Variants in LIPA observed in about 807,000 individuals in gnomAD.
LIPA encodes the protein lysosomal acid lipase/cholesteryl ester hydrolase.
In LIPA, 26 loss-of-function variants were observed where a neutral mutation model predicts 40.6. The observed-to-expected ratio is 0.64, with a 90% CI of 0.47 to 0.89. The LOEUF is 0.89. Among genes scored for constraint, LIPA ranks in the 40% least tolerant of loss-of-function variants. LIPA has a pLI of 0.00. For synonymous variants in LIPA, 188 were observed against 168.4 expected (o/e 1.12, Z -0.90); for missense variants, 455 against 479.6 (o/e 0.95, Z 0.48).
chr10:89,301,972 G>A (rs912265510), intron 1 of LIPA: 3 of 615,644 alleles, frequency 4.9e-6, no homozygotes, highest in African/African-American at 1.9e-5. Flanking sequence ...CTTTTGTAAC[G>A]TCAGCTGAAG....
chr10:89,267,456 A>T (rs146575814), intron 1 of LIPA, among the ~76,000 whole-genome samples: 344 of 152,164 alleles, frequency 2.3e-3, no homozygotes, highest in African/African-American at 8.0e-3. Flanking sequence ...GGAAACCATC[A>T]TTCTCAGTAA....
chr10:89,238,381 G>A (rs2133451949), intron 3 of LIPA, among the ~76,000 whole-genome samples: 1 of 152,278 alleles, frequency 6.6e-6, no homozygotes, highest in South Asian at 2.1e-4. Context: ...GGTGGCAATT[G>A]CAATTATTCA....
At chr10:89,397,477 T>C (rs1844361084) in intron 2 of LIPA, among the ~76,000 whole-genome samples, 1 of 152,200 alleles carries the variant, frequency 6.6e-6, no homozygotes, top group African/African-American at 2.4e-5. Flanking sequence ...CCAATCTGAG[T>C]GGAATAAAGT....
chr10:89,288,430 C>A (rs934432122), intron 1 of LIPA, among the ~76,000 whole-genome samples: 1 of 152,172 alleles, frequency 6.6e-6, no homozygotes, highest in Non-Finnish European at 1.5e-5. Flanking sequence ...TCATCCCAAC[C>A]CTTTTCATTA....
At chr10:89,380,329 C>A (rs957816790) in intron 2 of LIPA, among the ~76,000 whole-genome samples, 1 of 152,076 alleles carries the variant, frequency 6.6e-6, no homozygotes, top group African/African-American at 2.4e-5. Flanking sequence ...TTAAGTGGAG[C>A]TTAAGTGGAC....
At chr10:89,371,160 T>C (rs1844089439) in intron 2 of LIPA, among the ~76,000 whole-genome samples, 3 of 152,200 alleles carry the variant, frequency 2.0e-5, no homozygotes, top group Admixed American at 1.3e-4. Flanking sequence ...CAAAAGGAGA[T>C]ATCACAGAAC....
At chr10:89,367,871 T>G (rs984713373) in intron 2 of LIPA, among the ~76,000 whole-genome samples, 8 of 152,226 alleles carry the variant, frequency 5.3e-5, no homozygotes, top group African/African-American at 1.7e-4. Context: ...AAAGCTGGAC[T>G]GCAGTAGCAT....
At chr10:89,319,611 A>G (rs1223653152) in intron 1 of LIPA, among the ~76,000 whole-genome samples, 2 of 152,228 alleles carry the variant, frequency 1.3e-5, no homozygotes, top group African/African-American at 4.8e-5. Flanking sequence ...AGATGGATTC[A>G]CAACTGAATT....
Position 89,319,896 on chromosome 10 carries a change from T to A in LIPA, c.-2+22715A>T, listed in dbSNP as rs1403103940. Among the ~76,000 whole-genome samples, 5 of 152,348 alleles carry A rather than the reference T, an allele frequency of 3.3e-5. 1 individual carries two copies. In the East Asian group the frequency reaches 9.6e-4, roughly 29 times the overall value. On this transcript the variant is annotated intron_variant, in intron 1 of 5. Transcript: ENST00000282673. ...GATCAAGTTAGCTTCATCACTGGGA[T>A]GCAAGGCTGGTTCAACATATGCAAA...
intron 2 of LIPA, among the ~76,000 whole-genome samples, 157 bp from the exon 3 acceptor site, chr10:89,245,950 T>C (rs1843019315): frequency 6.6e-6 from 1 of 152,044 alleles, no homozygotes; most frequent in African/African-American, 2.4e-5. Flanking sequence ...CAACTTCTCA[T>C]CACAAGAGTA....
intron 1 of LIPA, among the ~76,000 whole-genome samples, chr10:89,264,004 G>A (rs1376718650): frequency 6.6e-6 from 1 of 152,230 alleles, no homozygotes; most frequent in Non-Finnish European, 1.5e-5. Context: ...GGAGTGTGCT[G>A]GCATCCAGAA....
At chr10:89,320,110 C>A (rs950445353) in intron 1 of LIPA, among the ~76,000 whole-genome samples, 2 of 152,178 alleles carry the variant, frequency 1.3e-5, no homozygotes, top group Non-Finnish European at 2.9e-5. Flanking sequence ...CAGCCAATAT[C>A]ATACTGAATG....
In LIPA at chr10:89,245,669, C is replaced by A; in HGVS notation, c.229+7G>T. The A allele has an allele frequency of 7.1e-7, 1 of 1,417,446 alleles. No individual in the cohort carries two copies. Among genetic ancestry groups the A allele is most frequent in the Non-Finnish European group, 1.0e-6 (1 of 1,001,110 alleles). 87.8% of individuals were successfully genotyped at this position (1,417,446 alleles called of 1,614,324 possible). On this transcript the variant is annotated splice_region_variant and intron_variant, in intron 3 of 9. Coordinates refer to ENST00000336233, the MANE Select transcript of LIPA (RefSeq NM_000235.4). ...TCTGGTTTTTACTTTTAAGAGCCTT[C>A]CCATACCTTTGTCAGAATGGTTCTT...
intron 2 of LIPA, among the ~76,000 whole-genome samples, chr10:89,370,514 G>A (rs549878142): frequency 6.6e-6 from 1 of 152,216 alleles, no homozygotes; most frequent in South Asian, 2.1e-4. Flanking sequence ...GATTACAGGT[G>A]TGAGCCACCC....
At chr10:89,255,540 A>T (rs536356708), upstream of LIPA, among the ~76,000 whole-genome samples, 5 of 152,362 alleles carry the variant, frequency 3.3e-5, no homozygotes, top group South Asian at 1.0e-3. Context: ...ACAATAGTCC[A>T]AGTGAGAGTT....
intron 7 of LIPA, 35 bp from the exon 8 acceptor site, chr10:89,222,617 A>G: frequency 7.7e-7 from 1 of 1,295,594 alleles, no homozygotes. Flanking sequence ...AAGAATGAAA[A>G]CAGCATTAAG....
In LIPA at chr10:89,393,245, C is replaced by T; in HGVS notation, c.61+19546G>A. On this transcript the variant is annotated intron_variant, in intron 2 of 8. Coordinates refer to the LIPA transcript ENST00000371837. ...GCCTTCCTCCATAGGCTTCTGGTCT[C>T]ACTTTCTGCACTGCTGGCCTCTTAC... 3.1e-6 allele frequency: 4 copies of T among 1,289,886 alleles called. No homozygotes were observed. The South Asian group carries it at 3.7e-5, about 12-fold the overall frequency. The allele number at this position is 1,289,886 out of a possible 1,614,324, so 79.9% of individuals were successfully genotyped here. A position where few individuals can be genotyped will look rare whatever the true frequency, so the allele number is the denominator to read the frequency against.
chr10:89,392,996 GA>G lies in LIPA; in HGVS notation c.61+19794del. The G allele has an allele frequency of 1.2e-5, 9 of 726,490 alleles. No homozygotes were observed. The South Asian group carries it at 1.7e-4, about 14-fold the overall frequency. The allele number at this position is 726,490 out of a possible 1,614,324, so 45.0% of individuals were successfully genotyped here. ...GGGAAATGGGAAAAGAGTTTTGCAGGAAGGGAGAAAATGATCCCAATCTGAG... is the reference window on the plus strand; with the variant it reads ...GGGAAATGGGAAAAGAGTTTTGCAGGAGGGAGAAAATGATCCCAATCTGAG... On this transcript the variant is annotated intron_variant, in intron 2 of 8. Transcript: ENST00000371837.
chr10:89,252,834 AG>A (rs1361088491), upstream of LIPA, among the ~76,000 whole-genome samples: 1 of 148,854 alleles, frequency 6.7e-6, no homozygotes, highest in Non-Finnish European at 1.5e-5. Context: ...AGGGATAAGG[AG>A]GATGATATGT....
Sources: allele counts gnomAD v4.1 joint callset (sites outside exome capture counted in the v4.1 genomes callset), GRCh38; gene constraint gnomAD v4.1.1; transcripts MANE v1.5; gene names NCBI Gene and HGNC (gene_info 2026-07-23, HGNC 2026-07-21).